The following SYNDIG1 variants were observed in gnomAD, a reference collection of about 807,000 sequenced individuals.
SYNDIG1 encodes the protein synapse differentiation-inducing gene protein 1.
SYNDIG1 carries 9 observed loss-of-function variants against 19.4 expected under a neutral mutation model. The ratio of observed to expected loss-of-function variants is 0.46; its 90% CI spans 0.28 to 0.81. The LOEUF is 0.81. SYNDIG1 is among the 30% of genes least tolerant of loss of function. The pLI is 0.12. For synonymous variants in SYNDIG1, 141 were observed against 145.9 expected (o/e 0.97, Z 0.24); for missense variants, 311 against 343.3 (o/e 0.91, Z 0.74).
chr20:24,479,762 A>G (rs550897817), intron 1 of SYNDIG1, among the ~76,000 whole-genome samples: 1 of 152,114 alleles, frequency 6.6e-6, no homozygotes, highest in South Asian at 2.1e-4. Context: ...CTGCCAGGAG[A>G]GTGAGCTGTC....
intron 1 of SYNDIG1, among the ~76,000 whole-genome samples, chr20:24,530,825 C>T (rs1353436478): frequency 4.7e-4 from 61 of 128,644 alleles, no homozygotes; most frequent in African/African-American, 1.9e-3. Flanking sequence ...TTTTTTTTTT[C>T]GGAGACGGAG....
intron 3 of SYNDIG1, among the ~76,000 whole-genome samples, chr20:24,613,424 G>T (rs1433351191): frequency 6.6e-6 from 1 of 152,152 alleles, no homozygotes; most frequent in East Asian, 1.9e-4. Flanking sequence ...CTCCTTGCTG[G>T]CCTCACAATC....
At chr20:24,471,547 C>T (rs547700304) in intron 1 of SYNDIG1, among the ~76,000 whole-genome samples, 1 of 151,056 alleles carries the variant, frequency 6.6e-6, no homozygotes. Context: ...CCCTCTCTCA[C>T]CCTGTCCCCA....
chr20:24,479,656 C>A (rs1391344459), intron 1 of SYNDIG1, among the ~76,000 whole-genome samples: 1 of 152,218 alleles, frequency 6.6e-6, no homozygotes, highest in Non-Finnish European at 1.5e-5. Flanking sequence ...CTTTTCCACC[C>A]TTGGCCCCAT....
intron 3 of SYNDIG1, among the ~76,000 whole-genome samples, chr20:24,627,144 G>GGAGAGGGAGAGCGAGAGCGAGAGC (rs1419035872): frequency 2.9e-5 from 3 of 103,350 alleles, no homozygotes; most frequent in Non-Finnish European, 4.9e-5. Flanking sequence ...AGAGGGAGAG[G>GGAGAGGGAGAGCGAGAGCGAGAGC]GAGAGGGAGA....
At chr20:24,566,306 G>A (rs2058040707) in intron 2 of SYNDIG1, among the ~76,000 whole-genome samples, 1 of 152,164 alleles carries the variant, frequency 6.6e-6, no homozygotes, top group Non-Finnish European at 1.5e-5. Context: ...CACACAGTAG[G>A]CACATAATTA....
At chr20:24,532,973 G>C (rs1004598601) in intron 1 of SYNDIG1, among the ~76,000 whole-genome samples, 1 of 152,142 alleles carries the variant, frequency 6.6e-6, no homozygotes, top group South Asian at 2.1e-4. Flanking sequence ...GGGGTTGGGG[G>C]GTCTGAGTCT....
chr20:24,525,646 AGAGT>A (rs1410797548), intron 1 of SYNDIG1, among the ~76,000 whole-genome samples: 2 of 152,300 alleles, frequency 1.3e-5, no homozygotes, highest in South Asian at 2.1e-4. Context: ...GAATGGAGAG[AGAGT>A]GAGAGAGACA....
chr20:24,501,367 G>A (rs1339274381), intron 1 of SYNDIG1, among the ~76,000 whole-genome samples: 2 of 152,228 alleles, frequency 1.3e-5, no homozygotes, highest in Non-Finnish European at 2.9e-5. Flanking sequence ...AAGATAGCAC[G>A]TGTGAGGTGC....
chr20:24,485,819 T>C (rs1233481514), intron 1 of SYNDIG1, among the ~76,000 whole-genome samples: 1 of 152,170 alleles, frequency 6.6e-6, no homozygotes, highest in Non-Finnish European at 1.5e-5. Context: ...GCTGGATCTC[T>C]ATAGTCCTTG....
intron 1 of SYNDIG1, among the ~76,000 whole-genome samples, chr20:24,492,496 T>C (rs1339355032): frequency 6.6e-6 from 1 of 152,164 alleles, no homozygotes; most frequent in African/African-American, 2.4e-5. Flanking sequence ...CCCTGCAGGA[T>C]AAAGGACAGC....
At chr20:24,573,862 A>C (rs540515791) in intron 2 of SYNDIG1, among the ~76,000 whole-genome samples, 1 of 152,332 alleles carries the variant, frequency 6.6e-6, no homozygotes, top group Admixed American at 6.5e-5. Context: ...GCTCTGCAGC[A>C]GGTGCTCTCA....
At chr20:24,570,234 G>A (rs1482931347) in intron 2 of SYNDIG1, among the ~76,000 whole-genome samples, 1 of 152,150 alleles carries the variant, frequency 6.6e-6, no homozygotes, top group Non-Finnish European at 1.5e-5. Flanking sequence ...CTGTAACCTA[G>A]GGTAAGGTGA....
At position 24,648,984 on chromosome 20, in the gene SYNDIG1, G is replaced by A. The variant is rs551164667; in HGVS notation, c.619-16362G>A. Among the ~76,000 whole-genome samples, 6 of 152,330 alleles carry A rather than the reference G, an allele frequency of 3.9e-5. No individual in the cohort carries two copies. In the South Asian group the frequency reaches 1.2e-3, roughly 32 times the overall value. On this transcript the variant is annotated intron_variant, in intron 3 of 3. Transcript: ENST00000376862. ...GGTGCAAGGTGCGATGTTAAGTGTT[G>A]AAAAAAGGTGAGCAAAAAGGTGACC...
intron 2 of SYNDIG1, among the ~76,000 whole-genome samples, chr20:24,562,964 G>A (rs1272832010): frequency 1.3e-5 from 2 of 152,140 alleles, no homozygotes; most frequent in African/African-American, 4.8e-5. Context: ...TAGTTAAGAG[G>A]CCCATAATTC....
chr20:24,527,367 A>G (rs1435710308), intron 1 of SYNDIG1, among the ~76,000 whole-genome samples: 2 of 151,930 alleles, frequency 1.3e-5, no homozygotes, highest in African/African-American at 4.8e-5. Flanking sequence ...TTTTCTATTT[A>G]TTCTGGTAGT....
intron 2 of SYNDIG1, among the ~76,000 whole-genome samples, chr20:24,559,741 T>C (rs1007214524): frequency 2.0e-5 from 3 of 152,220 alleles, no homozygotes; most frequent in Non-Finnish European, 2.9e-5. Flanking sequence ...GTTGTTTTGT[T>C]GGATATCGAA....
chr20:24,576,734 T>C (rs542502154), intron 2 of SYNDIG1, among the ~76,000 whole-genome samples: 84 of 150,302 alleles, frequency 5.6e-4, no homozygotes, highest in Admixed American at 1.4e-3. Flanking sequence ...CTCCCCACCC[T>C]CAGCAGTGCC....
chr20:24,534,635 A>G (rs1953535250), intron 1 of SYNDIG1, among the ~76,000 whole-genome samples: 1 of 152,118 alleles, frequency 6.6e-6, no homozygotes, highest in Admixed American at 6.5e-5. Context: ...TGTCTCGCCC[A>G]CTGGTTACAC....
Sources: gnomAD v4.1 joint callset for allele counts (sites outside exome capture counted in the v4.1 genomes callset) on GRCh38, gnomAD v4.1.1 for gene constraint, MANE v1.5 for transcripts, NCBI Gene and HGNC (gene_info 2026-07-23, HGNC 2026-07-21) for gene names.